Variants in IGFBP4 observed in about 807,000 individuals in gnomAD.
The protein encoded by IGFBP4 is insulin like growth factor binding protein 4.
In IGFBP4, 9 loss-of-function variants were observed where a neutral mutation model predicts 25.8. That is an observed-to-expected ratio of 0.35 (90% CI 0.21 to 0.61). IGFBP4 has a LOEUF of 0.61. IGFBP4 is among the 20% of genes least tolerant of loss of function. IGFBP4 has a pLI of 0.77. For synonymous variants in IGFBP4, 153 were observed against 153.9 expected, an observed-to-expected ratio of 0.99 and a Z score of 0.05; for missense variants, 315 against 365.3, an observed-to-expected ratio of 0.86 and a Z score of 1.12.
Position 40,452,415 on chromosome 17 carries a change from T to C in IGFBP4, c.350-570T>C, listed in dbSNP as rs548300779. ...CTCTTCCTCATGCAGGCGGATACAC[T>C]AACTCCCACTTCTCTCCCACTCAGC... On this transcript the variant is annotated intron_variant, in intron 1 of 3. Transcript: ENST00000269593. Among the ~76,000 whole-genome samples, 14 of 152,284 alleles carry C rather than the reference T, an allele frequency of 9.2e-5. No individual in the cohort carries two copies. In the East Asian group the frequency reaches 2.7e-3, roughly 29 times the overall value.
rs144293341 is a variant in IGFBP4, at chr17:40,457,675, T to G, written c.*1092T>G. 9.2e-5 allele frequency: 14 copies of G among 152,322 alleles called. No individual in the cohort carries two copies. The highest frequency in any genetic ancestry group is 3.1e-4 in the African/African-American group (13 of 41,564). 9.4% of individuals were successfully genotyped at this position (152,322 alleles called of 1,614,324 possible). On this transcript the variant is annotated 3_prime_UTR_variant, in exon 4 of 4. Coordinates refer to ENST00000269593, the MANE Select transcript of IGFBP4 (RefSeq NM_001552.3). ...ACCTACCAGTTGGCCATGATGTCTTTTCTTCTTTTTCTTTTTTTTAACAAA... is the reference window on the plus strand; with the variant it reads ...ACCTACCAGTTGGCCATGATGTCTTGTCTTCTTTTTCTTTTTTTTAACAAA...
At chr17:40,449,696 C>T (rs1424255639) in intron 1 of IGFBP4, among the ~76,000 whole-genome samples, 1 of 151,780 alleles carries the variant, frequency 6.6e-6, no homozygotes, top group Admixed American at 6.6e-5. Flanking sequence ...TTGCATTGAG[C>T]CGAGATCGCG....
chr17:40,456,392 C>A, intron 3 of IGFBP4, 57 bp from the exon 4 acceptor site: 1 of 1,601,804 alleles, frequency 6.2e-7, no homozygotes, highest in Non-Finnish European at 8.5e-7. Context: ...TGGGGTGGGT[C>A]ACTTGGGGTC....
In IGFBP4 at chr17:40,453,757, C is replaced by T. The variant is rs149877273; in HGVS notation, c.508-171C>T. Among the ~76,000 whole-genome samples, 69 of 152,288 alleles carry T rather than the reference C, an allele frequency of 4.5e-4. 1 individual carries two copies. The East Asian group carries it at 8.1e-3, about 18-fold the overall frequency. On this transcript the variant is annotated intron_variant, in intron 2 of 3. Transcript: ENST00000269593. The surrounding 1 kb of genome is among the most constrained non-coding windows in gnomAD (Gnocchi z 4.0). ...CCCTTTCCTCCACGTCTCTACCCTC[C>T]CAGTGTGTCCTCCAGACCCAGGCCT...
Position 40,453,684 on chromosome 17 carries a change from G to A in IGFBP4, c.508-244G>A, listed in dbSNP as rs530194021. On this transcript the variant is annotated intron_variant, in intron 2 of 3. Transcript: ENST00000269593. This position sits in a 1 kb window ranked among gnomAD's most constrained non-coding sequence, Gnocchi z 4.0. ...TTCCCACAGCCCCTTTCCCCACAGT[G>A]TCCCCTCACTTCCCACCCCTCCTTT... Among the ~76,000 whole-genome samples, 1 of 151,796 alleles carries A rather than the reference G, an allele frequency of 6.6e-6. No individual in the cohort carries two copies. Among genetic ancestry groups the A allele is most frequent in the South Asian group, 2.1e-4 (1 of 4,796 alleles).
rs887630809 is a variant in IGFBP4, at chr17:40,443,668, T to TCGCCCGCG, written c.-58_-51dup. 1.9e-5 allele frequency: 17 copies of TCGCCCGCG among 900,872 alleles called. No individual in the cohort carries two copies. The highest frequency in any genetic ancestry group is 1.2e-5 in the Non-Finnish European group (9 of 723,712). The allele number at this position is 900,872 out of a possible 1,614,324, so 55.8% of individuals were successfully genotyped here. On this transcript the variant is annotated 5_prime_UTR_variant, in exon 1 of 4. Transcript: ENST00000269593. ...GCTGCCGCCGTGTGCCCTCCGCCGC[T>TCGCCCGCG]CGCCCGCGCGCCCGCGCTCCCCGCC...
At position 40,453,791 on chromosome 17, in the gene IGFBP4, A is replaced by C. The variant is rs1597676377; in HGVS notation, c.508-137A>C. ...CCTCCAGACCCAGGCCTCTCTCTTC[A>C]CCTCACTGGGTCCTGCCCAGCCCCT... On this transcript the variant is annotated intron_variant, in intron 2 of 3. Transcript: ENST00000269593. The surrounding 1 kb of genome is among the most constrained non-coding windows in gnomAD (Gnocchi z 4.0). The C allele has an allele frequency of 5.2e-6, 3 of 575,698 alleles. No individual in the cohort carries two copies. Among genetic ancestry groups the C allele is most frequent in the South Asian group, 2.3e-5 (1 of 42,848 alleles). 35.7% of individuals were successfully genotyped at this position (575,698 alleles called of 1,614,324 possible).
In IGFBP4 at chr17:40,444,093, C is replaced by G; in HGVS notation, c.349+9C>G. The G allele has an allele frequency of 6.6e-7, 1 of 1,526,598 alleles. No individual in the cohort carries two copies. The highest frequency in any genetic ancestry group is 8.8e-7 in the Non-Finnish European group (1 of 1,138,756). 94.6% of individuals were successfully genotyped at this position (1,526,598 alleles called of 1,614,324 possible). On this transcript the variant is annotated intron_variant, in intron 1 of 3. Transcript: ENST00000269593. The stretch of plus-strand genomic sequence containing the variant: ...AAGCCTGCAGCCCTCTGGTAAGGTA[C>G]CCCTGGCCTCCCAATTCCCTCCTGA...
At chr17:40,444,969 AG>A (rs2035636234) in intron 1 of IGFBP4, among the ~76,000 whole-genome samples, 2 of 145,970 alleles carry the variant, frequency 1.4e-5, no homozygotes, top group Admixed American at 1.4e-4. Context: ...AGAGAGAGAG[AG>A]AGAGAGAGAG....
chr17:40,456,638 G>C lies in IGFBP4; in HGVS notation c.*55G>C. The C allele has an allele frequency of 1.3e-6, 2 of 1,535,826 alleles. No individual in the cohort carries two copies. The highest frequency in any genetic ancestry group is 1.8e-6 in the Non-Finnish European group (2 of 1,131,414). On this transcript the variant is annotated 3_prime_UTR_variant, in exon 4 of 4. Coordinates refer to ENST00000269593, the MANE Select transcript of IGFBP4 (RefSeq NM_001552.3). Reference sequence around the variant, plus strand: ...CCCCTGCTACTCCTGTGCTCTGGAGGCTGCAGAGCTGACCCAGAGTGGAGT... The same window carrying C: ...CCCCTGCTACTCCTGTGCTCTGGAGCCTGCAGAGCTGACCCAGAGTGGAGT...
intron 1 of IGFBP4, among the ~76,000 whole-genome samples, chr17:40,445,001 T>C (rs925637669): frequency 7.4e-6 from 1 of 135,490 alleles, no homozygotes; most frequent in Non-Finnish European, 1.6e-5. Flanking sequence ...AGAAGGCCCT[T>C]GCCCTAACCT....
chr17:40,443,769 C>T lies in IGFBP4; in HGVS notation c.34C>T (p.Leu12=). 1 of 1,504,432 alleles carries T rather than the reference C, an allele frequency of 6.6e-7. No homozygotes were observed. Among genetic ancestry groups the T allele is most frequent in the Non-Finnish European group, 8.8e-7 (1 of 1,135,234 alleles). The allele number at this position is 1,504,432 out of a possible 1,614,324, so 93.2% of individuals were successfully genotyped here. Residue 12 remains leucine (L), a synonymous_variant, in exon 1 of 4, where the codon CTG becomes TTG. Transcript: ENST00000269593. ...LPLCLVAALL[L]AAGPGPSLGD... Reference sequence around the variant, plus strand: ...CCTCTGCCTCGTGGCCGCCCTGCTGCTGGCCGCCGGGCCCGGGCCGAGCCT... The same window carrying T: ...CCTCTGCCTCGTGGCCGCCCTGCTGTTGGCCGCCGGGCCCGGGCCGAGCCT...
intron 1 of IGFBP4, among the ~76,000 whole-genome samples, chr17:40,444,598 G>C (rs1476457598): frequency 6.6e-6 from 1 of 152,072 alleles, no homozygotes; most frequent in Non-Finnish European, 1.5e-5. Flanking sequence ...GGACTTTGGC[G>C]TTGAGGGGCA....
Position 40,454,015 on chromosome 17 carries a change from A to G in IGFBP4, c.595A>G (p.Ile199Val). The G allele has an allele frequency of 6.2e-7, 1 of 1,612,482 alleles. No homozygotes were observed. The highest frequency in any genetic ancestry group is 8.5e-7 in the Non-Finnish European group (1 of 1,179,402). ...QSRTHEDLYIIPIPNCDRNGN... is the reference protein window; with the variant it reads ...QSRTHEDLYIVPIPNCDRNGN... ...CCGCACCCACGAGGACCTCTACATCATCCCCATCCCCAACTGCGACCGCAA... is the reference window on the plus strand; with the variant it reads ...CCGCACCCACGAGGACCTCTACATCGTCCCCATCCCCAACTGCGACCGCAA... Residue 199 changes from isoleucine to valine, a missense_variant, in exon 3 of 4, where the codon ATC becomes GTC. Ile to Val is a conservative substitution (Grantham distance 29). Transcript: ENST00000269593.
chr17:40,453,017 T>C lies in IGFBP4; in HGVS notation c.382T>C (p.Phe128Leu). The change falls in exon 2 of 4, where the codon TTC becomes CTC. Residue 128 changes from phenylalanine (F) to leucine (L), a missense_variant. By Grantham distance (22) the Phe-to-Leu change is conservative. Transcript: ENST00000269593. This position sits in a 1 kb window ranked among gnomAD's most constrained non-coding sequence, Gnocchi z 4.0. ...KDEGDHPNNS[F>L]SPCSAHDRRC... ...CGAGGGTGACCACCCCAACAACAGC[T>C]TCAGCCCCTGTAGCGCCCATGACCG... 6.3e-7 allele frequency: 1 copy of C among 1,577,388 alleles called. No individual in the cohort carries two copies. Among genetic ancestry groups the C allele is most frequent in the Non-Finnish European group, 8.6e-7 (1 of 1,160,676 alleles).
chr17:40,455,734 C>T (rs534276754), intron 3 of IGFBP4, among the ~76,000 whole-genome samples: 3 of 152,190 alleles, frequency 2.0e-5, no homozygotes, highest in African/African-American at 4.8e-5. Context: ...CCACCCACCT[C>T]GGCCTCCCAA....
At chr17:40,446,966 C>T (rs745652243) in intron 1 of IGFBP4, among the ~76,000 whole-genome samples, 1 of 152,250 alleles carries the variant, frequency 6.6e-6, no homozygotes, top group Non-Finnish European at 1.5e-5. Context: ...GACCAAGCCC[C>T]TACCCACCCA....
intron 1 of IGFBP4, among the ~76,000 whole-genome samples, chr17:40,445,773 G>A (rs909639218): frequency 6.6e-6 from 1 of 152,134 alleles, no homozygotes; most frequent in African/African-American, 2.4e-5. Flanking sequence ...TGGGTTCGCG[G>A]GGTACAACAG....
intron 1 of IGFBP4, among the ~76,000 whole-genome samples, chr17:40,451,999 G>A (rs777115839): frequency 3.3e-5 from 5 of 151,952 alleles, no homozygotes; most frequent in Non-Finnish European, 4.4e-5. Flanking sequence ...CACCATACCC[G>A]GTTAATTTTT....
Sources: allele counts gnomAD v4.1 joint callset (sites outside exome capture counted in the v4.1 genomes callset), GRCh38; gene constraint gnomAD v4.1.1; non-coding constraint Gnocchi (gnomAD v3.1); transcripts MANE v1.5; gene names NCBI Gene and HGNC (gene_info 2026-07-23, HGNC 2026-07-21).